TRPM1: variants seen among roughly 807,000 people sequenced by gnomAD.
The protein encoded by TRPM1 is TRPM1-203 APA Isoform, Intron 10.
A neutral mutation model predicts 149.4 loss-of-function variants in TRPM1; 113 were observed. The observed-to-expected ratio is 0.76, with a 90% confidence interval of 0.65 to 0.88. The LOEUF is 0.88. Ranked by LOEUF, TRPM1 falls within the 40% of genes least tolerant of loss-of-function variation. TRPM1 has a pLI of 0.00. For missense variants in TRPM1, 1,976 were observed against 2,038.7 expected (o/e 0.97, Z 0.59); for synonymous variants, 741 against 759.5 (o/e 0.98, Z 0.40).
intron 1 of TRPM1, among the ~76,000 whole-genome samples, chr15:31,092,599 C>T (rs1029375608): frequency 6.6e-6 from 1 of 152,186 alleles, no homozygotes; most frequent in African/African-American, 2.4e-5. Context: ...TTCTCGTTGT[C>T]TCAGGAAGTG....
chr15:31,156,282 A>G (rs1365507897), intron 1 of TRPM1, among the ~76,000 whole-genome samples: 1 of 150,284 alleles, frequency 6.7e-6, no homozygotes, highest in African/African-American at 2.5e-5. Flanking sequence ...ATGGCCCGCC[A>G]TCTTTTGTGG....
chr15:31,160,966 C>T (rs1310622075), exon 1 of TRPM1: 10 of 1,535,486 alleles, frequency 6.5e-6, no homozygotes, highest in South Asian at 3.6e-5. Flanking sequence ...TCATCTCTCT[C>T]AGTGAGCCTG....
At chr15:31,038,991 CTTTT>C (rs1175210129) in intron 18 of TRPM1, among the ~76,000 whole-genome samples, 6 of 131,456 alleles carry the variant, frequency 4.6e-5, no homozygotes, top group Non-Finnish European at 6.6e-5. Flanking sequence ...CATGCTTCCC[CTTTT>C]TTTTTTTTTT....
chr15:31,161,000 G>A (rs1178133829), exon 1 of TRPM1: 10 of 1,533,074 alleles, frequency 6.5e-6, no homozygotes, highest in South Asian at 4.8e-5. Flanking sequence ...TGACTCCCTC[G>A]GGTGGCCAGG....
At chr15:31,046,095 T>C in intron 16 of TRPM1, 109 bp downstream of exon 16, 1 of 990,438 alleles carries the variant, frequency 1.0e-6, no homozygotes, top group South Asian at 1.4e-5. Context: ...CTAAGACATC[T>C]AGGTAAATTT....
At chr15:31,128,492 G>C (rs1183668316) in intron 1 of TRPM1, among the ~76,000 whole-genome samples, 1 of 152,178 alleles carries the variant, frequency 6.6e-6, no homozygotes, top group Non-Finnish European at 1.5e-5. Context: ...TCGCCAGGAG[G>C]GTGCCCAACA....
At chr15:31,023,409 C>T (rs1248533066) in intron 27 of TRPM1, among the ~76,000 whole-genome samples, 1 of 152,198 alleles carries the variant, frequency 6.6e-6, no homozygotes, top group Non-Finnish European at 1.5e-5. Context: ...CAGTGGGGGC[C>T]ACAGAGGGTT....
intron 2 of TRPM1, among the ~76,000 whole-genome samples, chr15:31,079,285 A>T (rs79344071): frequency 0.015 from 2,349 of 152,340 alleles, 60 homozygotes; most frequent in African/African-American, 0.055. Context: ...GTTTCTATGG[A>T]CCAGGAGTTG....
At chr15:31,067,232 G>A (rs2140962660) in intron 5 of TRPM1, 45 bp from the exon 6 acceptor site, 1 of 1,613,890 alleles carries the variant, frequency 6.2e-7, no homozygotes, top group East Asian at 2.2e-5. Flanking sequence ...TTACTTCCCA[G>A]CACACCATCA....
At chr15:31,144,057 C>T (rs1417605585) in intron 1 of TRPM1, among the ~76,000 whole-genome samples, 3 of 152,128 alleles carry the variant, frequency 2.0e-5, no homozygotes, top group East Asian at 3.8e-4. Context: ...AAAAAGTCAT[C>T]GCAGGTGCAG....
chr15:31,062,456 T>G (rs1015781425), intron 9 of TRPM1, 123 bp downstream of exon 9: 1 of 1,290,254 alleles, frequency 7.8e-7, no homozygotes, highest in African/African-American at 1.5e-5. Flanking sequence ...GCATTTGTAC[T>G]GTCTCTCAGA....
At chr15:31,107,543 T>C (rs1037134403) in intron 1 of TRPM1, among the ~76,000 whole-genome samples, 1 of 152,258 alleles carries the variant, frequency 6.6e-6, no homozygotes, top group South Asian at 2.1e-4. Flanking sequence ...CTATTGTTTT[T>C]CTACGCTTTA....
At position 31,002,657 on chromosome 15, in the gene TRPM1, A is replaced by G. The variant is rs1034593924; in HGVS notation, c.4043T>C (p.Leu1348Pro). 4 of 1,614,050 alleles carry G rather than the reference A, an allele frequency of 2.5e-6. No individual in the cohort carries two copies. In the African/African-American group the frequency reaches 5.3e-5, roughly 22 times the overall value. Residue 1348 changes from leucine to proline, a missense_variant, in exon 28 of 28, where the codon CTT (leucine) becomes CCT (proline). By Grantham distance (98) the Leu-to-Pro change is moderately conservative (BLOSUM62 -3). Around this residue, in one of 3 missense-constraint regions of TRPM1, gnomAD observed 572 missense variants for 578.9 expected, o/e 0.99. Transcript: ENST00000256552. ...TGCTGATGTGCTTGTGCCCAGTGAA[A>G]GGTGAAGACTGTTCTGACATTCTGG... ...LVPECQNSLH[L>P]SLGTSTSATP... is the part of the protein sequence containing the mutation.
intron 11 of TRPM1, 171 bp downstream of exon 11, chr15:31,060,373 G>C (rs1407169843): frequency 9.0e-6 from 6 of 667,028 alleles, no homozygotes; most frequent in Non-Finnish European, 1.6e-5. Flanking sequence ...CTTCTTGTTG[G>C]TTCTTTGAAG....
At chr15:31,152,918 C>T (rs1337470442) in intron 1 of TRPM1, among the ~76,000 whole-genome samples, 1 of 152,222 alleles carries the variant, frequency 6.6e-6, no homozygotes, top group East Asian at 1.9e-4. Context: ...GTTGGGATTA[C>T]AGGCATGAGC....
chr15:31,117,665 TACACAC>T (rs56686910), intron 1 of TRPM1, among the ~76,000 whole-genome samples: 1,406 of 135,948 alleles, frequency 0.01, 23 homozygotes, highest in African/African-American at 0.032. Context: ...AAAAAAAAAA[TACACAC>T]ACACACACAC....
chr15:31,151,784 G>A (rs1325678724), intron 1 of TRPM1, among the ~76,000 whole-genome samples: 2 of 152,190 alleles, frequency 1.3e-5, no homozygotes, highest in Non-Finnish European at 2.9e-5. Context: ...GTCTTCTCTG[G>A]CTCTCCAGGG....
intron 1 of TRPM1, among the ~76,000 whole-genome samples, chr15:31,088,434 C>T (rs146766353): frequency 3.9e-4 from 59 of 152,334 alleles, no homozygotes; most frequent in African/African-American, 1.4e-3. Flanking sequence ...CCTTTAAGAG[C>T]TGTAACACTG....
chr15:31,053,145 G>A (rs577901392), intron 11 of TRPM1, among the ~76,000 whole-genome samples: 6 of 152,208 alleles, frequency 3.9e-5, no homozygotes, highest in South Asian at 2.1e-4. Flanking sequence ...TACACAAATG[G>A]CCAATAAACA....
Sources: gnomAD v4.1 joint callset for allele counts (sites outside exome capture counted in the v4.1 genomes callset) on GRCh38, gnomAD v4.1.1 for gene constraint, gnomAD v4.1.1 regional missense constraint, MANE v1.5 for transcripts, NCBI Gene and HGNC (gene_info 2026-07-23, HGNC 2026-07-21) for gene names.